Variants in SPOCK1 observed in about 807,000 individuals in gnomAD.
SPOCK1 encodes SPARC (osteonectin), cwcv and kazal like domains proteoglycan 1.
Under a neutral mutation model 55.3 loss-of-function variants are expected in SPOCK1, and 23 were observed. That is an observed-to-expected ratio of 0.42 (90% CI 0.30 to 0.59). The LOEUF is 0.59. Ranked by LOEUF, SPOCK1 falls within the 20% of genes least tolerant of loss-of-function variation. The pLI is 0.22. For synonymous variants in SPOCK1, 226 were observed against 221.0 expected (o/e 1.02, Z -0.20); for missense variants, 499 against 552.5 (o/e 0.90, Z 0.97).
At chr5:137,078,120 C>G (rs1389328964) in intron 5 of SPOCK1, among the ~76,000 whole-genome samples, 1 of 152,046 alleles carries the variant, frequency 6.6e-6, no homozygotes, top group African/African-American at 2.4e-5. Flanking sequence ...TAGAAAAAAG[C>G]ACAAAACATC....
intron 5 of SPOCK1, among the ~76,000 whole-genome samples, chr5:137,090,913 G>C (rs1002805364): frequency 3.3e-5 from 5 of 151,968 alleles, no homozygotes; most frequent in Non-Finnish European, 7.4e-5. Context: ...TCAAATTCCA[G>C]TCTAAAGCCC....
At chr5:137,273,263 G>T in intron 2 of SPOCK1, 1 of 563,458 alleles carries the variant, frequency 1.8e-6, no homozygotes, top group Non-Finnish European at 2.2e-6. Flanking sequence ...CTGGTTCACT[G>T]AACTAAAACA....
intron 3 of SPOCK1, among the ~76,000 whole-genome samples, chr5:137,255,620 C>A (rs1417189010): frequency 6.6e-6 from 1 of 152,144 alleles, no homozygotes; most frequent in Non-Finnish European, 1.5e-5. Context: ...CACTGAGTGA[C>A]AGTTCAAGTA....
intron 2 of SPOCK1, among the ~76,000 whole-genome samples, chr5:137,461,378 C>T (rs543555181): frequency 2.6e-5 from 4 of 152,246 alleles, no homozygotes; most frequent in African/African-American, 7.2e-5. Context: ...TGTGTATGCT[C>T]ACATCAAATG....
intron 2 of SPOCK1, among the ~76,000 whole-genome samples, chr5:137,451,257 T>TG (rs1188662916): frequency 6.6e-6 from 1 of 152,158 alleles, no homozygotes; most frequent in African/African-American, 2.4e-5. Flanking sequence ...GAGCCATGCT[T>TG]GATCATTCCA....
chr5:137,390,593 C>T (rs567311563), intron 2 of SPOCK1, among the ~76,000 whole-genome samples: 53 of 152,306 alleles, frequency 3.5e-4, no homozygotes, highest in South Asian at 6.2e-4. Context: ...TCCTGGTGAG[C>T]ATACAAAGAG....
chr5:137,061,208 C>CTAT (rs755710313), intron 6 of SPOCK1, among the ~76,000 whole-genome samples: 7 of 152,204 alleles, frequency 4.6e-5, no homozygotes, highest in African/African-American at 7.2e-5. Context: ...AGATAAATCT[C>CTAT]TATTTTTCTA....
chr5:137,217,899 A>C (rs777428168), intron 3 of SPOCK1, among the ~76,000 whole-genome samples: 2 of 151,904 alleles, frequency 1.3e-5, no homozygotes, highest in Non-Finnish European at 2.9e-5. Flanking sequence ...CTCCAACCCT[A>C]CTCCTATCCA....
chr5:137,097,655 C>A (rs1753178858), intron 5 of SPOCK1, among the ~76,000 whole-genome samples: 2 of 152,176 alleles, frequency 1.3e-5, no homozygotes, highest in South Asian at 4.1e-4. Context: ...TATTCACTTC[C>A]TATTGGAGCC....
At chr5:137,063,311 A>G (rs1752432776) in intron 6 of SPOCK1, among the ~76,000 whole-genome samples, 1 of 151,820 alleles carries the variant, frequency 6.6e-6, no homozygotes, top group Non-Finnish European at 1.5e-5. Flanking sequence ...CCATCTCTTC[A>G]GGTTCCACCA....
intron 2 of SPOCK1, among the ~76,000 whole-genome samples, chr5:137,432,770 T>C (rs1477517397): frequency 1.3e-5 from 2 of 152,190 alleles, no homozygotes; most frequent in Non-Finnish European, 2.9e-5. Context: ...TTAAATAAAT[T>C]TTTAAAATAA....
At chr5:137,264,303 G>A (rs1183520344) in intron 3 of SPOCK1, among the ~76,000 whole-genome samples, 4 of 152,102 alleles carry the variant, frequency 2.6e-5, no homozygotes, top group Non-Finnish European at 5.9e-5. Flanking sequence ...CATGTCACTC[G>A]CCTGCTCAAA....
At chr5:137,130,468 A>T (rs1753853318) in intron 4 of SPOCK1, among the ~76,000 whole-genome samples, 1 of 152,250 alleles carries the variant, frequency 6.6e-6, no homozygotes, top group African/African-American at 2.4e-5. Context: ...CAAAGCATGC[A>T]CATGAGCAGT....
At chr5:137,420,743 A>G (rs1484419455) in intron 2 of SPOCK1, among the ~76,000 whole-genome samples, 1 of 152,186 alleles carries the variant, frequency 6.6e-6, no homozygotes, top group African/African-American at 2.4e-5. Flanking sequence ...TTTTCAAAAA[A>G]CCAGCTCCTG....
chr5:137,038,792 ATATT>A (rs1204081401), intron 6 of SPOCK1, among the ~76,000 whole-genome samples: 1 of 152,188 alleles, frequency 6.6e-6, no homozygotes, highest in African/African-American at 2.4e-5. Flanking sequence ...GCTTATTTTT[ATATT>A]TATTAATGAA....
chr5:137,371,035 C>T (rs1751190368), intron 2 of SPOCK1, among the ~76,000 whole-genome samples: 3 of 152,228 alleles, frequency 2.0e-5, no homozygotes, highest in Non-Finnish European at 4.4e-5. Context: ...CCAGTTCAGC[C>T]CTGGCCTGAG....
chr5:137,286,677 G>C (rs1032116751), intron 2 of SPOCK1, among the ~76,000 whole-genome samples: 2 of 152,208 alleles, frequency 1.3e-5, no homozygotes, highest in African/African-American at 4.8e-5. Flanking sequence ...TAGAGTCTGA[G>C]TGTGTCAAAT....
At chr5:137,246,940 C>A (rs1350666035) in intron 3 of SPOCK1, among the ~76,000 whole-genome samples, 1 of 152,182 alleles carries the variant, frequency 6.6e-6, no homozygotes, top group East Asian at 1.9e-4. Context: ...CCCAGACCTG[C>A]TGAATCTAAT....
chr5:137,286,980 CT>C (rs1757280354), intron 2 of SPOCK1, among the ~76,000 whole-genome samples: 1 of 152,176 alleles, frequency 6.6e-6, no homozygotes. Context: ...ACAGGAGGTG[CT>C]GGAGAATTTC....
Sources: allele counts gnomAD v4.1 joint callset (sites outside exome capture counted in the v4.1 genomes callset), GRCh38; gene constraint gnomAD v4.1.1; transcripts MANE v1.5; gene names NCBI Gene and HGNC (gene_info 2026-07-23, HGNC 2026-07-21).